SLC35F4: variants seen among roughly 807,000 people sequenced by gnomAD.
The protein encoded by SLC35F4 is chromosome 14 open reading frame 36.
SLC35F4 carries 24 observed loss-of-function variants against 44.2 expected under a neutral mutation model. That is an observed-to-expected ratio of 0.54 (90% CI 0.39 to 0.76). The LOEUF is 0.76. Among genes scored for constraint, SLC35F4 ranks in the 30% least tolerant of loss-of-function variants. The probability of loss-of-function intolerance (pLI) is 0.00; values close to 1 mark genes in which losing one functional copy is unlikely to be tolerated. For missense variants in SLC35F4, 562 were observed against 586.1 expected (o/e 0.96, Z 0.42); for synonymous variants, 238 against 223.6 (o/e 1.06, Z -0.57).
At chr14:57,646,188 A>G (rs1444882641) in intron 1 of SLC35F4, among the ~76,000 whole-genome samples, 1 of 152,216 alleles carries the variant, frequency 6.6e-6, no homozygotes, top group Non-Finnish European at 1.5e-5. Context: ...GAATAGTTTC[A>G]GAAGGAATGG....
At chr14:57,701,043 C>T (rs1275899752) in intron 1 of SLC35F4, among the ~76,000 whole-genome samples, 1 of 152,056 alleles carries the variant, frequency 6.6e-6, no homozygotes, top group African/African-American at 2.4e-5. Context: ...CACTATGTTG[C>T]CCAGGTTGGT....
chr14:57,742,652 T>C (rs980533927), intron 1 of SLC35F4, among the ~76,000 whole-genome samples: 6 of 152,100 alleles, frequency 3.9e-5, no homozygotes, highest in African/African-American at 1.4e-4. Flanking sequence ...CTTTCAACAT[T>C]AGACAGATCA....
chr14:57,894,277 C>A (rs1888829288), intron 1 of SLC35F4, among the ~76,000 whole-genome samples: 1 of 152,040 alleles, frequency 6.6e-6, no homozygotes, highest in Non-Finnish European at 1.5e-5. Context: ...ACTTTTGGAA[C>A]TGATCATGTC....
At chr14:57,860,077 G>C (rs1447922477) in intron 1 of SLC35F4, among the ~76,000 whole-genome samples, 1 of 152,114 alleles carries the variant, frequency 6.6e-6, no homozygotes, top group South Asian at 2.1e-4. Flanking sequence ...ACTCAGGGAA[G>C]GCAGAAAGTG....
intron 1 of SLC35F4, among the ~76,000 whole-genome samples, chr14:57,672,835 G>A (rs962637159): frequency 4.6e-5 from 7 of 151,646 alleles, no homozygotes; most frequent in Admixed American, 3.9e-4. Context: ...AGGAAAGTGA[G>A]CCACTGGCAA....
At chr14:57,803,035 C>T (rs2078229137) in intron 1 of SLC35F4, among the ~76,000 whole-genome samples, 1 of 141,878 alleles carries the variant, frequency 7.0e-6, no homozygotes, top group South Asian at 2.2e-4. Flanking sequence ...CCTTGATGAA[C>T]ATCGATGCAA....
intron 1 of SLC35F4, among the ~76,000 whole-genome samples, chr14:57,789,035 A>C (rs2077842824): frequency 6.6e-6 from 1 of 152,232 alleles, no homozygotes; most frequent in Admixed American, 6.5e-5. Flanking sequence ...AACTTGTAGC[A>C]CTAAATGCCT....
chr14:57,706,377 C>T (rs928330391), intron 1 of SLC35F4, among the ~76,000 whole-genome samples: 9 of 152,100 alleles, frequency 5.9e-5, no homozygotes, highest in African/African-American at 2.2e-4. Context: ...AAAAATTGGA[C>T]ATGTTTCTGA....
intron 1 of SLC35F4, among the ~76,000 whole-genome samples, chr14:57,761,145 G>A (rs1408814813): frequency 6.6e-6 from 1 of 152,182 alleles, no homozygotes; most frequent in Non-Finnish European, 1.5e-5. Flanking sequence ...ATCATTCAGA[G>A]ATTATTGGCC....
intron 1 of SLC35F4, among the ~76,000 whole-genome samples, chr14:57,863,796 T>C (rs1370738299): frequency 6.6e-6 from 1 of 152,230 alleles, no homozygotes; most frequent in Admixed American, 6.5e-5. Context: ...TATCACTTAA[T>C]TCTCTCTTCT....
intron 1 of SLC35F4, among the ~76,000 whole-genome samples, chr14:57,667,961 G>C: frequency 7.2e-6 from 1 of 138,866 alleles, no homozygotes; most frequent in East Asian, 2.1e-4. Flanking sequence ...CAGTGTAAAA[G>C]TGTTCCTATT....
At chr14:57,923,867 G>A (rs1403544629) in intron 1 of SLC35F4, among the ~76,000 whole-genome samples, 1 of 152,246 alleles carries the variant, frequency 6.6e-6, no homozygotes, top group Non-Finnish European at 1.5e-5. Flanking sequence ...CTAGTGATAT[G>A]GTTCGGCTGT....
chr14:57,854,950 T>A (rs866993995), intron 1 of SLC35F4, among the ~76,000 whole-genome samples: 66 of 152,228 alleles, frequency 4.3e-4, no homozygotes, highest in Non-Finnish European at 7.8e-4. Context: ...GCATAATTTT[T>A]AATAACAACA....
At chr14:57,568,909 C>T (rs2068342181) in intron 6 of SLC35F4, among the ~76,000 whole-genome samples, 1 of 152,094 alleles carries the variant, frequency 6.6e-6, no homozygotes, top group Admixed American at 6.5e-5. Flanking sequence ...TGAGCAACAA[C>T]ATTGGGTTGT....
At chr14:57,855,392 A>G (rs1886986737) in intron 1 of SLC35F4, among the ~76,000 whole-genome samples, 1 of 152,252 alleles carries the variant, frequency 6.6e-6, no homozygotes, top group South Asian at 2.1e-4. Context: ...ATGAACAGAC[A>G]CTTCTCAAAA....
At position 57,880,550 on chromosome 14, in the gene SLC35F4, C is replaced by G. The variant is rs182421833; in HGVS notation, n.282+101363G>C. On this transcript the variant is annotated intron_variant and non_coding_transcript_variant, in intron 1 of 1. Coordinates refer to the SLC35F4 transcript ENST00000556568. ...TGGAGGTACATTGATGACAAAGTACCCCATTATATTTTAAATCTAGACATT... is the reference window on the plus strand; with the variant it reads ...TGGAGGTACATTGATGACAAAGTACGCCATTATATTTTAAATCTAGACATT... Among the ~76,000 whole-genome samples, 655 of 152,090 alleles carry G rather than the reference C, an allele frequency of 4.3e-3. 1 individual carries two copies. The highest frequency in any genetic ancestry group is 0.015 in the African/African-American group (609 of 41,492).
At chr14:57,747,727 A>G (rs1173043228) in intron 1 of SLC35F4, among the ~76,000 whole-genome samples, 8 of 152,258 alleles carry the variant, frequency 5.3e-5, no homozygotes, top group Admixed American at 5.2e-4. Context: ...GCTACCTAAA[A>G]ACATTTATAG....
intron 1 of SLC35F4, among the ~76,000 whole-genome samples, chr14:57,631,765 C>T (rs946769558): frequency 1.3e-5 from 2 of 152,064 alleles, no homozygotes; most frequent in African/African-American, 4.8e-5. Context: ...GAAGTAATAT[C>T]CTTAACCATT....
chr14:57,657,953 A>T (rs11622672), intron 1 of SLC35F4, among the ~76,000 whole-genome samples: 21,791 of 152,162 alleles, frequency 0.14, 1,926 homozygotes, highest in African/African-American at 0.24. Flanking sequence ...CTGAGTCTCA[A>T]TTATTGTGCC....
Sources: gnomAD v4.1 joint callset for allele counts (sites outside exome capture counted in the v4.1 genomes callset) on GRCh38, gnomAD v4.1.1 for gene constraint, MANE v1.5 for transcripts, NCBI Gene and HGNC (gene_info 2026-07-23, HGNC 2026-07-21) for gene names.